POLE2: variants seen among roughly 807,000 people sequenced by gnomAD.
POLE2 encodes DNA polymerase epsilon 2, accessory subunit.
POLE2 carries 56 observed loss-of-function variants against 79.4 expected under a neutral mutation model. The ratio of observed to expected loss-of-function variants is 0.71; its 90% CI spans 0.57 to 0.88. The LOEUF is 0.88. Ranked by LOEUF, POLE2 falls within the 40% of genes least tolerant of loss-of-function variation. The pLI is 0.00. For synonymous variants in POLE2, 212 were observed against 214.0 expected (o/e 0.99, Z 0.08); for missense variants, 598 against 638.9 (o/e 0.94, Z 0.69).
intron 2 of POLE2, 113 bp downstream of exon 2, chr14:49,683,480 T>A: frequency 1.7e-6 from 1 of 584,796 alleles, no homozygotes; most frequent in Non-Finnish European, 3.0e-6. Flanking sequence ...ATACATCTTA[T>A]AACACTGGGA....
At chr14:49,674,542 G>A (rs1056171014) in intron 3 of POLE2, 115 bp from the exon 4 acceptor site, 1 of 682,090 alleles carries the variant, frequency 1.5e-6, no homozygotes, top group Admixed American at 2.7e-5. Flanking sequence ...CATTTTCTCA[G>A]GCCAGGCACA....
At chr14:49,674,678 T>C (rs1216455296) in intron 3 of POLE2, among the ~76,000 whole-genome samples, 1 of 152,184 alleles carries the variant, frequency 6.6e-6, no homozygotes, top group East Asian at 1.9e-4. Context: ...GCGATTCTCC[T>C]GCCTCAGCCT....
intron 3 of POLE2, among the ~76,000 whole-genome samples, chr14:49,675,444 T>C (rs928445964): frequency 1.3e-5 from 2 of 151,908 alleles, no homozygotes; most frequent in African/African-American, 4.8e-5. Context: ...TTTTTTTTGT[T>C]TTTGTTTTGT....
chr14:49,649,292 G>A (rs1184693780), intron 17 of POLE2, among the ~76,000 whole-genome samples: 9 of 150,684 alleles, frequency 6.0e-5, no homozygotes, highest in African/African-American at 2.0e-4. Context: ...GACTAGAGGC[G>A]CCCGCCACCT....
chr14:49,646,080 A>T (rs1426309515), intron 18 of POLE2, among the ~76,000 whole-genome samples: 2 of 152,220 alleles, frequency 1.3e-5, no homozygotes, highest in Non-Finnish European at 2.9e-5. Context: ...CAGGATATCC[A>T]GCGTAGACAA....
At chr14:49,683,823 G>T (rs1035172228) in intron 1 of POLE2, 130 bp from the exon 2 acceptor site, 2 of 552,524 alleles carry the variant, frequency 3.6e-6, no homozygotes, top group Non-Finnish European at 6.4e-6. Context: ...TCTTCAAGTA[G>T]CACTTTATCT....
intron 6 of POLE2, 43 bp downstream of exon 6, chr14:49,669,481 T>G (rs1343600396): frequency 2.2e-6 from 2 of 901,454 alleles, no homozygotes; most frequent in African/African-American, 3.4e-5. Flanking sequence ...AATATTAAAC[T>G]TACACACTTA....
At chr14:49,652,855 A>AC (rs994621563) in intron 15 of POLE2, among the ~76,000 whole-genome samples, 14 of 150,144 alleles carry the variant, frequency 9.3e-5, no homozygotes, top group East Asian at 1.9e-4. Flanking sequence ...AATCACCCCC[A>AC]CCCCCCCTGG....
intron 16 of POLE2, 56 bp from the exon 17 acceptor site, chr14:49,650,497 G>A (rs1594627917): frequency 8.7e-7 from 1 of 1,154,772 alleles, no homozygotes; most frequent in Non-Finnish European, 1.1e-6. Context: ...AGTGAAAATA[G>A]CTAAACAAAT....
At chr14:49,678,460 G>C (rs917701390) in intron 3 of POLE2, among the ~76,000 whole-genome samples, 1 of 152,092 alleles carries the variant, frequency 6.6e-6, no homozygotes, top group Admixed American at 6.5e-5. Flanking sequence ...TCCAAATCTG[G>C]GAGCAAGAGA....
chr14:49,658,805 T>C (rs899579003), intron 10 of POLE2, among the ~76,000 whole-genome samples: 1 of 152,214 alleles, frequency 6.6e-6, no homozygotes, highest in Non-Finnish European at 1.5e-5. Context: ...ATGTACAATA[T>C]GTAACACTTG....
In POLE2 at chr14:49,672,689, G is replaced by A. The variant is rs185142213; in HGVS notation, c.417+1434C>T. Among the ~76,000 whole-genome samples, 28 of 152,240 alleles carry A rather than the reference G, an allele frequency of 1.8e-4. No homozygotes were observed. The East Asian group carries it at 4.2e-3, about 23-fold the overall frequency. ...TACTTTTGTATTTTTACTAGAGACA[G>A]GGTTTCTCCATGTTGGTCAGGCTGG... On this transcript the variant is annotated intron_variant, in intron 5 of 18. Coordinates refer to ENST00000216367, the MANE Select transcript of POLE2 (RefSeq NM_002692.4).
chr14:49,659,794 CT>C (rs1228434392), intron 10 of POLE2, among the ~76,000 whole-genome samples: 1 of 152,050 alleles, frequency 6.6e-6, no homozygotes, highest in African/African-American at 2.4e-5. Context: ...GTTATGTTGT[CT>C]AGACTGGTCT....
intron 18 of POLE2, among the ~76,000 whole-genome samples, chr14:49,644,949 G>A (rs1188066983): frequency 6.6e-6 from 1 of 151,594 alleles, no homozygotes; most frequent in African/African-American, 2.4e-5. Flanking sequence ...GGCTGAGGCA[G>A]GAGAATCGCT....
Position 49,646,008 on chromosome 14 carries a change from A to G in POLE2, c.1565+1285T>C, listed in dbSNP as rs561000588. 9.8e-5 allele frequency among the ~76,000 whole-genome samples: 15 copies of G among 152,326 alleles called. No individual in the cohort carries two copies. In the South Asian group the frequency reaches 3.1e-3, roughly 32 times the overall value. On this transcript the variant is annotated intron_variant, in intron 18 of 18. Coordinates refer to ENST00000216367, the MANE Select transcript of POLE2 (RefSeq NM_002692.4). ...ACATTCTAACAGTGGATAAGACTGT[A>G]TGCTCCAGGCTGACAGCCCTCAGAG... is the stretch of plus-strand genomic sequence containing the variant.
chr14:49,644,766 G>A lies in POLE2; in HGVS notation c.1566-1096C>T, dbSNP rs186090833. Among the ~76,000 whole-genome samples, 347 of 151,944 alleles carry A rather than the reference G, an allele frequency of 2.3e-3. 6 individuals are homozygous for A. Among genetic ancestry groups the A allele is most frequent in the South Asian group, 4.0e-3 (19 of 4,804 alleles). On this transcript the variant is annotated intron_variant, in intron 18 of 18. Coordinates refer to ENST00000216367, the MANE Select transcript of POLE2 (RefSeq NM_002692.4). ...AAAAACTGCAGTAAAAAGGCTGGGC[G>A]CAGTGGCTCATGCCTGTAATCCCAG...
chr14:49,649,137 CTTTTTTTTT>C (rs374201091), intron 17 of POLE2, among the ~76,000 whole-genome samples: 48 of 108,782 alleles, frequency 4.4e-4, no homozygotes, highest in African/African-American at 1.9e-3. Flanking sequence ...ATTTCTTTCC[CTTTTTTTTT>C]TTTTTTTTTT....
chr14:49,687,278 C>T (rs1887206933), intron 1 of POLE2, among the ~76,000 whole-genome samples: 2 of 140,012 alleles, frequency 1.4e-5, no homozygotes, highest in Admixed American at 7.8e-5. Flanking sequence ...AAAAAAAATA[C>T]ATATATATAT....
At chr14:49,676,925 T>C (rs762050198) in intron 3 of POLE2, among the ~76,000 whole-genome samples, 3 of 152,238 alleles carry the variant, frequency 2.0e-5, no homozygotes, top group Non-Finnish European at 4.4e-5. Flanking sequence ...AGCCCACTCA[T>C]CCTGGACGAG....
Sources: allele counts gnomAD v4.1 joint callset (sites outside exome capture counted in the v4.1 genomes callset), GRCh38; gene constraint gnomAD v4.1.1; transcripts MANE v1.5; gene names NCBI Gene and HGNC (gene_info 2026-07-23, HGNC 2026-07-21).